The following WNT5B variants were observed in gnomAD, a reference collection of about 807,000 sequenced individuals.
WNT5B encodes protein Wnt-5b.
WNT5B carries 18 observed loss-of-function variants against 36.5 expected under a neutral mutation model. The observed-to-expected ratio is 0.49, with a 90% CI of 0.34 to 0.73. The LOEUF is 0.73. Among genes scored for constraint, WNT5B ranks in the 30% least tolerant of loss-of-function variants. The probability of loss-of-function intolerance (pLI) is 0.01; values close to 1 mark genes in which losing one functional copy is unlikely to be tolerated. For missense variants in WNT5B, 424 were observed against 508.4 expected (o/e 0.83, Z 1.60); for synonymous variants, 213 against 212.3 (o/e 1.00, Z -0.03).
Position 1,639,698 on chromosome 12 carries a change from G to T in WNT5B, c.343G>T (p.Ala115Ser). ...RVMQIGSRET[A>S]FTHAVSAAGV... ...TCATTCTGCAGGCAGCCGAGAGACC[G>T]CCTTCACCCACGCGGTGAGCGCCGC... Residue 115 changes from alanine (A) to serine (S), a missense_variant, in exon 4 of 5, where the codon GCC (alanine) becomes TCC (serine). Transcript: ENST00000397196. 6.4e-7 allele frequency: 1 copy of T among 1,570,176 alleles called. No homozygotes were observed. Among genetic ancestry groups the T allele is most frequent in the Non-Finnish European group, 8.6e-7 (1 of 1,163,730 alleles).
upstream of WNT5B, among the ~76,000 whole-genome samples, chr12:1,628,314 T>C (rs2094544084): frequency 6.6e-6 from 1 of 152,102 alleles, no homozygotes; most frequent in African/African-American, 2.4e-5. Flanking sequence ...TGCCACCACA[T>C]CTGGCTAATT....
At chr12:1,624,446 G>A (rs1217440642), upstream of WNT5B, among the ~76,000 whole-genome samples, 2 of 150,996 alleles carry the variant, frequency 1.3e-5, no homozygotes, top group South Asian at 2.1e-4. Flanking sequence ...GGGAGGACCT[G>A]TATTTGGGGA....
At chr12:1,638,025 G>T (rs993256907) in intron 3 of WNT5B, among the ~76,000 whole-genome samples, 3 of 152,206 alleles carry the variant, frequency 2.0e-5, no homozygotes, top group Non-Finnish European at 4.4e-5. Flanking sequence ...CAGGCGGGCG[G>T]ATCACGAGGT....
chr12:1,646,350 G>A lies in WNT5B; in HGVS notation c.*98G>A. The A allele has an allele frequency of 9.7e-7, 1 of 1,028,390 alleles. No homozygotes were observed. Among genetic ancestry groups the A allele is most frequent in the Non-Finnish European group, 1.3e-6 (1 of 769,018 alleles). 63.7% of individuals were successfully genotyped at this position (1,028,390 alleles called of 1,614,324 possible). A position where few individuals can be genotyped will look rare whatever the true frequency, so the allele number is the denominator to read the frequency against. On this transcript the variant is annotated 3_prime_UTR_variant, in exon 5 of 5. Transcript: ENST00000397196. ...CTATTTTATATTTGTATAAGTAAAT[G>A]GGTGGGTGCTATACAATGGAAAGAT...
rs563377201 is a variant in WNT5B at position 1,635,589 on chromosome 12, T to C, written c.328+2684T>C. 2.0e-4 allele frequency among the ~76,000 whole-genome samples: 31 copies of C among 152,304 alleles called. No homozygotes were observed. In the South Asian group the frequency reaches 6.4e-3, roughly 32 times the overall value. ...TAGCCCACTGGTCTGAGGAACTGTGTAGAGGGAAAGCTTCCGGTGGCTATG... is the reference window on the plus strand; with the variant it reads ...TAGCCCACTGGTCTGAGGAACTGTGCAGAGGGAAAGCTTCCGGTGGCTATG... On this transcript the variant is annotated intron_variant, in intron 3 of 4. Coordinates refer to ENST00000397196, the MANE Select transcript of WNT5B (RefSeq NM_032642.3).
Position 1,633,277 on chromosome 12 carries a change from G to C in WNT5B, c.328+372G>C, listed in dbSNP as rs2094554523. ...TGCCTTTGTGTCTCAGTGCAAAAAA[G>C]AGCCTTGGGTAGAGAACCAGAAATT... On this transcript the variant is annotated intron_variant, in intron 3 of 4. Transcript: ENST00000397196. The surrounding 1 kb of genome is among the most constrained non-coding windows in gnomAD (Gnocchi z 4.8). 6.6e-6 allele frequency among the ~76,000 whole-genome samples: 1 copy of C among 152,194 alleles called. No homozygotes were observed. The highest frequency in any genetic ancestry group is 2.4e-5 in the African/African-American group (1 of 41,442).
At chr12:1,636,987 C>G (rs532753779) in intron 3 of WNT5B, among the ~76,000 whole-genome samples, 1 of 152,196 alleles carries the variant, frequency 6.6e-6, no homozygotes, top group African/African-American at 2.4e-5. Context: ...GGATTACAGG[C>G]ATGAGCCACC....
At chr12:1,625,394 G>T (rs4766399), upstream of WNT5B, among the ~76,000 whole-genome samples, 87,645 of 151,852 alleles carry the variant, frequency 0.58, 25,689 homozygotes, top group African/African-American at 0.63. Flanking sequence ...TGTCTATTGT[G>T]CTGAGGTCCA....
intron 1 of WNT5B, among the ~76,000 whole-genome samples, chr12:1,617,607 A>T (rs4765833): frequency 4.0e-5 from 6 of 151,756 alleles, no homozygotes; most frequent in African/African-American, 7.3e-5. Context: ...GTCCAGCCTG[A>T]GCAACACAGT....
chr12:1,624,417 G>C (rs73032663), upstream of WNT5B, among the ~76,000 whole-genome samples: 1 of 151,006 alleles, frequency 6.6e-6, no homozygotes, highest in Non-Finnish European at 1.5e-5. Context: ...AGCAGAGAAG[G>C]TGTTATGCTC....
upstream of WNT5B, among the ~76,000 whole-genome samples, chr12:1,627,143 G>T (rs180979120): frequency 1.3e-5 from 2 of 152,188 alleles, no homozygotes; most frequent in Non-Finnish European, 2.9e-5. The surrounding 1 kb of genome is among the most constrained non-coding windows in gnomAD (Gnocchi z 5.0). Flanking sequence ...GAATAATGGC[G>T]ATGGGGGCCT....
At position 1,632,057 on chromosome 12, in the gene WNT5B, G is replaced by A. The variant is rs1308910679; in HGVS notation, c.81-601G>A. Among the ~76,000 whole-genome samples, 2 of 152,178 alleles carry A rather than the reference G, an allele frequency of 1.3e-5. No homozygotes were observed. Among genetic ancestry groups the A allele is most frequent in the Non-Finnish European group, 2.9e-5 (2 of 68,002 alleles). ...CTCTGAACTGGTGGAGAGTGGATGA[G>A]GGGAAGCTCAAAGTGAGACATGGCA... On this transcript the variant is annotated intron_variant, in intron 2 of 4. Transcript: ENST00000397196. The surrounding 1 kb of genome is among the most constrained non-coding windows in gnomAD (Gnocchi z 5.8).
intron 1 of WNT5B, 24 bp downstream of exon 1, chr12:1,629,395 C>G (rs2094545940): frequency 6.6e-6 from 1 of 152,634 alleles, no homozygotes; most frequent in Non-Finnish European, 1.5e-5. Context: ...GTGTGAGGGA[C>G]AAGTGTCACA....
Position 1,631,329 on chromosome 12 carries a change from G to A in WNT5B, c.-26G>A. On this transcript the variant is annotated 5_prime_UTR_variant, in exon 2 of 5. Coordinates refer to ENST00000397196, the MANE Select transcript of WNT5B (RefSeq NM_032642.3). ...CTACTCTGGAAACTGTCAGTCCCAG[G>A]GCACTGGGGAGGGCTGAGGCCGACC... 1 of 1,613,628 alleles carries A rather than the reference G, an allele frequency of 6.2e-7. No homozygotes were observed.
intron 1 of WNT5B, chr12:1,617,260 TA>T (rs1340886998): frequency 2.7e-4 from 41 of 151,736 alleles, no homozygotes; most frequent in African/African-American, 9.4e-4. Context: ...TCCAGATTTA[TA>T]AATGGTGACT....
Position 1,639,700 on chromosome 12 carries a change from C to T in WNT5B, c.345C>T (p.Ala115=). ...ATTCTGCAGGCAGCCGAGAGACCGC[C>T]TTCACCCACGCGGTGAGCGCCGCGG... is the stretch of plus-strand genomic sequence containing the variant. ...RVMQIGSRET[A]FTHAVSAAGV... is the part of the protein sequence containing the mutation. The change falls in exon 4 of 5, where the codon GCC becomes GCT. Residue 115 remains alanine (A), a synonymous_variant. Coordinates refer to ENST00000397196, the MANE Select transcript of WNT5B (RefSeq NM_032642.3). The T allele has an allele frequency of 1.3e-6, 2 of 1,574,088 alleles. No individual in the cohort carries two copies. Among genetic ancestry groups the T allele is most frequent in the Non-Finnish European group, 1.7e-6 (2 of 1,165,044 alleles).
At chr12:1,621,707 A>ATTT (rs34640616) in intron 1 of WNT5B, among the ~76,000 whole-genome samples, 26 of 141,012 alleles carry the variant, frequency 1.8e-4, no homozygotes, top group African/African-American at 5.8e-4. Context: ...ATATCCAGCT[A>ATTT]TTTTTTTTTT....
At chr12:1,619,941 A>T (rs2094531640) in intron 1 of WNT5B, among the ~76,000 whole-genome samples, 1 of 152,196 alleles carries the variant, frequency 6.6e-6, no homozygotes, top group Admixed American at 6.5e-5. Context: ...AAATAAAAAT[A>T]AAAAAGGTCA....
chr12:1,628,040 G>A (rs1447937850), upstream of WNT5B, among the ~76,000 whole-genome samples: 1 of 152,188 alleles, frequency 6.6e-6, no homozygotes, highest in African/African-American at 2.4e-5. Context: ...AGGAGGAACA[G>A]AGCAGATGTC....
Sources: allele counts gnomAD v4.1 joint callset (sites outside exome capture counted in the v4.1 genomes callset), GRCh38; gene constraint gnomAD v4.1.1; non-coding constraint Gnocchi (gnomAD v3.1); transcripts MANE v1.5; gene names NCBI Gene and HGNC (gene_info 2026-07-23, HGNC 2026-07-21).